EYS: variants seen among roughly 807,000 people sequenced by gnomAD.
EYS encodes protein eyes shut homolog.
EYS carries 250 observed loss-of-function variants against 282.1 expected under a neutral mutation model. The observed-to-expected ratio is 0.89, with a 90% CI of 0.80 to 0.98. The LOEUF (loss-of-function observed/expected upper bound fraction) is 0.98. Ranked by LOEUF, EYS falls within the 50% of genes least tolerant of loss-of-function variation. The pLI is 0.00. For missense variants in EYS, 4,016 were observed against 3,709.0 expected, an observed-to-expected ratio of 1.08 and a Z score of -2.15; for synonymous variants, 1,355 against 1,282.9, an observed-to-expected ratio of 1.06 and a Z score of -1.20.
chr6:64,821,660 A>G lies in EYS; in HGVS notation c.3228T>C (p.Cys1076=), dbSNP rs1764902545. The change falls in exon 21 of 43, where the codon TGT becomes TGC. Residue 1076 remains cysteine, a synonymous_variant. Transcript: ENST00000503581. ...SCDADGTSTQ[C]KIKINDCTSI... is the part of the protein sequence containing the mutation. ...TAAGACTTACATTAATTTTGATCTT[A>G]CATTGTGTGCTAGTCCCATCTGCAT... The G allele has an allele frequency of 2.7e-6, 4 of 1,493,916 alleles. No homozygotes were observed. Among genetic ancestry groups the G allele is most frequent in the Non-Finnish European group, 3.6e-6 (4 of 1,106,422 alleles). 92.5% of individuals were successfully genotyped at this position (1,493,916 alleles called of 1,614,324 possible).
chr6:64,714,526 T>G (rs10452570), intron 22 of EYS, among the ~76,000 whole-genome samples: 2 of 38,098 alleles, frequency 5.2e-5, no homozygotes, highest in East Asian at 7.7e-4. Flanking sequence ...CTTTTTTTTT[T>G]TTTTTTTTTT....
At chr6:64,781,770 T>G (rs1352685377) in intron 22 of EYS, among the ~76,000 whole-genome samples, 1 of 152,130 alleles carries the variant, frequency 6.6e-6, no homozygotes, top group Non-Finnish European at 1.5e-5. Flanking sequence ...CAAGCCCCAC[T>G]ACCCCCAATA....
At chr6:64,494,510 T>C (rs1776833622) in intron 26 of EYS, among the ~76,000 whole-genome samples, 1 of 151,652 alleles carries the variant, frequency 6.6e-6, no homozygotes, top group Non-Finnish European at 1.5e-5. Context: ...TAATATCTAC[T>C]CCTTTCTCTC....
At chr6:65,112,402 G>A (rs1189709805) in intron 12 of EYS, among the ~76,000 whole-genome samples, 1 of 151,956 alleles carries the variant, frequency 6.6e-6, no homozygotes, top group Non-Finnish European at 1.5e-5. Context: ...TTCAACTTGC[G>A]ACCATGGCCT....
At chr6:63,766,910 G>C (rs1394261783) in intron 40 of EYS, among the ~76,000 whole-genome samples, 1 of 151,988 alleles carries the variant, frequency 6.6e-6, no homozygotes, top group South Asian at 2.1e-4. Context: ...TTATTCCTGG[G>C]ATGGAGACTG....
chr6:64,608,463 C>A (rs1767002941), intron 24 of EYS, among the ~76,000 whole-genome samples: 1 of 152,120 alleles, frequency 6.6e-6, no homozygotes, highest in East Asian at 1.9e-4. Flanking sequence ...TGCCTAATTT[C>A]TTGTGCGAAT....
intron 22 of EYS, among the ~76,000 whole-genome samples, chr6:64,707,132 T>C (rs9345404): frequency 0.2 from 4,985 of 24,440 alleles, 182 homozygotes; most frequent in African/African-American, 0.33. Flanking sequence ...CACACACACA[T>C]ATATATATGT....
chr6:64,290,222 C>G (rs1768653009), intron 30 of EYS, among the ~76,000 whole-genome samples: 1 of 152,106 alleles, frequency 6.6e-6, no homozygotes, highest in South Asian at 2.1e-4. Flanking sequence ...TCATTTGTAA[C>G]TCCCTCTTTT....
At chr6:65,372,712 A>T (rs1266717294) in intron 8 of EYS, among the ~76,000 whole-genome samples, 1 of 152,062 alleles carries the variant, frequency 6.6e-6, no homozygotes, top group African/African-American at 2.4e-5. Flanking sequence ...AATGTGCTTG[A>T]TTAGATATTC....
chr6:64,331,582 G>A (rs572148634), intron 29 of EYS, among the ~76,000 whole-genome samples: 5 of 109,098 alleles, frequency 4.6e-5, no homozygotes, highest in African/African-American at 1.2e-4. Context: ...TGGGAGGCTC[G>A]CCTTCCAATA....
chr6:65,336,812 G>GATAT (rs1219257881), intron 10 of EYS, among the ~76,000 whole-genome samples: 2 of 151,446 alleles, frequency 1.3e-5, no homozygotes, highest in Non-Finnish European at 3.0e-5. Flanking sequence ...ATCTTCCACA[G>GATAT]ATATGCCCAG....
chr6:64,527,968 T>A (rs1349189936), intron 26 of EYS, among the ~76,000 whole-genome samples: 1 of 151,746 alleles, frequency 6.6e-6, no homozygotes. Flanking sequence ...GGAGCATCAT[T>A]ACACAAGACA....
At chr6:64,892,272 C>A (rs915587062) in intron 18 of EYS, among the ~76,000 whole-genome samples, 1 of 151,818 alleles carries the variant, frequency 6.6e-6, no homozygotes, top group Non-Finnish European at 1.5e-5. Context: ...TATTTGTATG[C>A]TTCTGAAGTT....
Position 63,904,133 on chromosome 6 carries a change from C to T in EYS, c.7056-39775G>A, listed in dbSNP as rs140433970. Among the ~76,000 whole-genome samples the T allele has an allele frequency of 3.0e-4, 45 of 152,196 alleles. No individual in the cohort carries two copies. In the East Asian group the frequency reaches 6.4e-3, roughly 22 times the overall value. ...ATCATGGCAGCCAGAAGTGGGCCTG[C>T]GAGGCTCAGCTCTCTTTTCTGCTTG... On this transcript the variant is annotated intron_variant, in intron 35 of 42. Transcript: ENST00000503581.
intron 31 of EYS, among the ~76,000 whole-genome samples, chr6:64,123,254 T>A (rs1009813404): frequency 6.6e-6 from 1 of 152,170 alleles, no homozygotes; most frequent in Non-Finnish European, 1.5e-5. Flanking sequence ...GACAAAGCAT[T>A]TTTTAAATAG....
chr6:64,011,676 T>C (rs956691928), intron 33 of EYS, among the ~76,000 whole-genome samples: 22 of 152,134 alleles, frequency 1.4e-4, no homozygotes, highest in Non-Finnish European at 1.8e-4. Flanking sequence ...AATCTGGTGG[T>C]TATATGAGTT....
chr6:64,436,256 A>G lies in EYS; in HGVS notation c.5845T>C (p.Tyr1949His). ...TTAAATTTTGCTTCACCAGGACAGT[A>G]AAAGTGGTACTGTTGGGGGAAAAAA... ...IENGTLKYHF[Y>H]CPGEAKFKSI... is the part of the protein sequence containing the mutation. The change falls in exon 28 of 43, where the codon TAC becomes CAC. Residue 1949 changes from tyrosine to histidine, a missense_variant. Coordinates refer to ENST00000503581, the MANE Select transcript of EYS (RefSeq NM_001142800.2). 1.3e-6 allele frequency: 2 copies of G among 1,538,700 alleles called. No individual in the cohort carries two copies. The highest frequency in any genetic ancestry group is 1.8e-6 in the Non-Finnish European group (2 of 1,138,936).
At chr6:63,966,219 C>G (rs1021486630) in intron 35 of EYS, among the ~76,000 whole-genome samples, 4 of 152,108 alleles carry the variant, frequency 2.6e-5, no homozygotes, top group Non-Finnish European at 2.9e-5. Context: ...TTGCAGCGAC[C>G]TGGATGAGAT....
At chr6:64,920,085 T>G (rs1768290289) in intron 15 of EYS, among the ~76,000 whole-genome samples, 4 of 152,126 alleles carry the variant, frequency 2.6e-5, no homozygotes, top group African/African-American at 9.7e-5. Context: ...ATTTTTTTTT[T>G]TTGTCATTGT....
Sources: allele counts gnomAD v4.1 joint callset (sites outside exome capture counted in the v4.1 genomes callset), GRCh38; gene constraint gnomAD v4.1.1; transcripts MANE v1.5; gene names NCBI Gene and HGNC (gene_info 2026-07-23, HGNC 2026-07-21).